The following CCDC85A variants were observed in gnomAD, a reference collection of about 807,000 sequenced individuals.
CCDC85A encodes coiled-coil domain-containing protein 85A.
CCDC85A carries 38 observed loss-of-function variants against 50.2 expected under a neutral mutation model. The observed-to-expected ratio is 0.76, with a 90% confidence interval of 0.58 to 0.99. The LOEUF (loss-of-function observed/expected upper bound fraction) is 0.99, where lower values mean the gene tolerates loss of function less well. CCDC85A is among the 50% of genes least tolerant of loss of function. CCDC85A has a pLI of 0.00. For synonymous variants in CCDC85A, 366 were observed against 301.4 expected (o/e 1.21, Z -2.22); for missense variants, 820 against 742.0 (o/e 1.11, Z -1.22).
intron 2 of CCDC85A, among the ~76,000 whole-genome samples, chr2:56,212,863 T>G (rs1677235191): frequency 6.6e-6 from 1 of 152,018 alleles, no homozygotes; most frequent in South Asian, 2.1e-4. Context: ...ATATGTCACT[T>G]CTCAAAGCCT....
Position 56,334,174 on chromosome 2 carries a change from A to G in CCDC85A, c.1241-8705A>G, listed in dbSNP as rs1673962872. Among the ~76,000 whole-genome samples the G allele has an allele frequency of 2.0e-5, 3 of 152,122 alleles. No individual in the cohort carries two copies. The South Asian group carries it at 6.2e-4, about 32-fold the overall frequency. ...CTTTGTTGTACAAATCACCTTCATA[A>G]AATATTGTATTTGGTTTTTACTGCC... On this transcript the variant is annotated intron_variant, in intron 2 of 5. Coordinates refer to ENST00000407595, the MANE Select transcript of CCDC85A (RefSeq NM_001080433.2).
intron 2 of CCDC85A, among the ~76,000 whole-genome samples, chr2:56,197,672 G>A (rs1398278922): frequency 6.6e-6 from 1 of 152,134 alleles, no homozygotes; most frequent in Non-Finnish European, 1.5e-5. Flanking sequence ...AGGCTTCCTG[G>A]GAAGAAGAAA....
At chr2:56,378,961 C>T (rs1676462862) in intron 5 of CCDC85A, among the ~76,000 whole-genome samples, 1 of 152,082 alleles carries the variant, frequency 6.6e-6, no homozygotes, top group Non-Finnish European at 1.5e-5. Context: ...GCACAGAAAG[C>T]CAAAGTTATT....
Position 56,385,494 on chromosome 2 carries a change from T to A in CCDC85A, c.*1139T>A, listed in dbSNP as rs1324717814. 1 of 152,248 alleles carries A rather than the reference T, an allele frequency of 6.6e-6. No homozygotes were observed. The highest frequency in any genetic ancestry group is 1.5e-5 in the Non-Finnish European group (1 of 67,824). 9.4% of individuals were successfully genotyped at this position (152,248 alleles called of 1,614,324 possible). ...TGTGTACTGGAAATGCTATGATAGG[T>A]ATTTTGTGTTAATCCAAATGCAATG... On this transcript the variant is annotated 3_prime_UTR_variant, in exon 6 of 6. Transcript: ENST00000407595.
chr2:56,287,353 T>C (rs1399913183), intron 2 of CCDC85A, among the ~76,000 whole-genome samples: 2 of 152,218 alleles, frequency 1.3e-5, no homozygotes, highest in Admixed American at 1.3e-4. Context: ...AGTTCTCTAC[T>C]TGGGCTTCAC....
intron 2 of CCDC85A, among the ~76,000 whole-genome samples, chr2:56,277,911 G>A (rs189025176): frequency 1.3e-5 from 2 of 152,340 alleles, no homozygotes; most frequent in East Asian, 1.9e-4. Context: ...AGGAAGGGAC[G>A]TATTGGACCA....
chr2:56,285,894 C>T (rs930656647), intron 2 of CCDC85A, among the ~76,000 whole-genome samples: 11 of 152,014 alleles, frequency 7.2e-5, no homozygotes, highest in Non-Finnish European at 1.5e-4. Context: ...TTTTGTAGTA[C>T]AGGTCTGTTG....
chr2:56,229,157 T>G (rs1248501810), intron 2 of CCDC85A, among the ~76,000 whole-genome samples: 1 of 152,232 alleles, frequency 6.6e-6, no homozygotes, highest in Non-Finnish European at 1.5e-5. Context: ...TAGGACCTAG[T>G]CCCTTTGGCA....
intron 2 of CCDC85A, among the ~76,000 whole-genome samples, chr2:56,197,260 T>C (rs1676562479): frequency 6.6e-6 from 1 of 152,192 alleles, no homozygotes; most frequent in South Asian, 2.1e-4. Context: ...TGTTGTGAGA[T>C]GCTGCCTTAT....
intron 2 of CCDC85A, among the ~76,000 whole-genome samples, chr2:56,243,985 A>G (rs13403828): frequency 6.6e-6 from 1 of 152,042 alleles, no homozygotes; most frequent in East Asian, 1.9e-4. Flanking sequence ...CTTTGTCTCC[A>G]ACAAATAGAG....
chr2:56,251,713 T>C lies in CCDC85A; in HGVS notation c.1240+58273T>C, dbSNP rs578240750. Among the ~76,000 whole-genome samples, 4 of 152,058 alleles carry C rather than the reference T, an allele frequency of 2.6e-5. No homozygotes were observed. The East Asian group carries it at 7.8e-4, about 30-fold the overall frequency. ...GACTCCTTGTCTACTCTCCCTTCTT[T>C]GGTCCTTTTACTGATTTTTTTTTTG... On this transcript the variant is annotated intron_variant, in intron 2 of 5. Coordinates refer to ENST00000407595, the MANE Select transcript of CCDC85A (RefSeq NM_001080433.2).
At chr2:56,351,301 G>A (rs1450627592) in intron 3 of CCDC85A, among the ~76,000 whole-genome samples, 467 of 151,674 alleles carry the variant, frequency 3.1e-3, no homozygotes, top group African/African-American at 0.011. Context: ...GAATAGTGCC[G>A]CAATAAACAT....
At chr2:56,326,720 A>G (rs1473940565) in intron 2 of CCDC85A, among the ~76,000 whole-genome samples, 1 of 152,198 alleles carries the variant, frequency 6.6e-6, no homozygotes, top group Non-Finnish European at 1.5e-5. Flanking sequence ...TTTATCAAAT[A>G]AAATGCTTAC....
At chr2:56,311,694 A>C (rs1174464102) in intron 2 of CCDC85A, among the ~76,000 whole-genome samples, 1 of 152,048 alleles carries the variant, frequency 6.6e-6, no homozygotes, top group Non-Finnish European at 1.5e-5. Flanking sequence ...CTTTCCTATG[A>C]GTTTAATTTA....
intron 2 of CCDC85A, among the ~76,000 whole-genome samples, chr2:56,247,436 A>G (rs1669560604): frequency 6.6e-6 from 1 of 152,190 alleles, no homozygotes; most frequent in Non-Finnish European, 1.5e-5. Flanking sequence ...ACATCATGCA[A>G]CTGGCACTTT....
intron 2 of CCDC85A, among the ~76,000 whole-genome samples, chr2:56,226,956 T>C (rs1668568248): frequency 6.6e-6 from 1 of 152,180 alleles, no homozygotes; most frequent in Non-Finnish European, 1.5e-5. Context: ...GTAATTTCAA[T>C]AGGCAAATTT....
At chr2:56,267,391 G>GA (rs1670499341) in intron 2 of CCDC85A, among the ~76,000 whole-genome samples, 1 of 152,184 alleles carries the variant, frequency 6.6e-6, no homozygotes, top group Admixed American at 6.5e-5. Flanking sequence ...GGGAATGATA[G>GA]TGGTTTCAAG....
At chr2:56,199,345 T>A (rs1042284278) in intron 2 of CCDC85A, among the ~76,000 whole-genome samples, 1 of 152,224 alleles carries the variant, frequency 6.6e-6, no homozygotes, top group Non-Finnish European at 1.5e-5. Context: ...TTAGTCGATC[T>A]CCACTTTACA....
In CCDC85A at chr2:56,192,095, A is replaced by G. The variant is rs1412161751; in HGVS notation, c.277-382A>G. ...TGTGAGGTCCGATTTCCTCTTCTGT[A>G]TAAGAGCCATAATAATTATTATCCC... On this transcript the variant is annotated intron_variant, in intron 1 of 5. Coordinates refer to ENST00000407595, the MANE Select transcript of CCDC85A (RefSeq NM_001080433.2). This position sits in a 1 kb window ranked among gnomAD's most constrained non-coding sequence, Gnocchi z 4.7. Among the ~76,000 whole-genome samples, 1 of 152,184 alleles carries G rather than the reference A, an allele frequency of 6.6e-6. No homozygotes were observed. Among genetic ancestry groups the G allele is most frequent in the Non-Finnish European group, 1.5e-5 (1 of 68,032 alleles).
Sources: allele counts gnomAD v4.1 joint callset (sites outside exome capture counted in the v4.1 genomes callset), GRCh38; gene constraint gnomAD v4.1.1; non-coding constraint Gnocchi (gnomAD v3.1); transcripts MANE v1.5; gene names NCBI Gene and HGNC (gene_info 2026-07-23, HGNC 2026-07-21).